The following GALNT11 variants were observed in gnomAD, a reference collection of about 807,000 sequenced individuals.
GALNT11 encodes polypeptide N-acetylgalactosaminyltransferase 11.
Under a neutral mutation model 72.7 loss-of-function variants are expected in GALNT11, and 47 were observed. The observed-to-expected ratio is 0.65, with a 90% confidence interval of 0.51 to 0.82. The LOEUF (loss-of-function observed/expected upper bound fraction) is 0.82. GALNT11 is among the 40% of genes least tolerant of loss of function. GALNT11 has a pLI of 0.00. For synonymous variants in GALNT11, 270 were observed against 286.6 expected (o/e 0.94, Z 0.58); for missense variants, 677 against 778.4 (o/e 0.87, Z 1.55).
chr7:152,113,686 T>C (rs993008571), intron 8 of GALNT11, among the ~76,000 whole-genome samples: 3 of 147,326 alleles, frequency 2.0e-5, no homozygotes, highest in African/African-American at 7.5e-5. Flanking sequence ...GGTCTCTCTA[T>C]TGTGACGCCT....
chr7:152,118,995 GAAAAAAA>G (rs1563085267), intron 10 of GALNT11: 4 of 371,766 alleles, frequency 1.1e-5, no homozygotes, highest in Non-Finnish European at 1.9e-5. Context: ...ATTTTTCACC[GAAAAAAA>G]CTGCAACCTC....
intron 1 of GALNT11, among the ~76,000 whole-genome samples, chr7:152,076,109 C>A (rs188464320): frequency 7.0e-6 from 1 of 142,956 alleles, no homozygotes; most frequent in East Asian, 2.1e-4. Flanking sequence ...GAGAAAAGTT[C>A]ATCGCTTTTT....
intron 1 of GALNT11, among the ~76,000 whole-genome samples, chr7:152,085,990 C>T (rs1439685228): frequency 5.3e-5 from 8 of 151,768 alleles, no homozygotes; most frequent in South Asian, 2.1e-4. Context: ...CTGGTTCAAG[C>T]GATTCTCCTG....
chr7:152,075,400 A>G (rs972371427), intron 1 of GALNT11, among the ~76,000 whole-genome samples: 14 of 152,220 alleles, frequency 9.2e-5, no homozygotes, highest in African/African-American at 3.4e-4. Context: ...GTGCTGCAAT[A>G]TTGTGTCTAG....
At chr7:152,119,680 C>A (rs1173356397) in intron 10 of GALNT11, 2 of 152,202 alleles carry the variant, frequency 1.3e-5, no homozygotes, top group Admixed American at 1.3e-4. Context: ...CAAGACCAGC[C>A]TGACCAACAT....
intron 1 of GALNT11, among the ~76,000 whole-genome samples, chr7:152,055,547 GTGTGTGTGTGTGTGTGTGTGTA>G (rs1264738158): frequency 1.3e-5 from 2 of 149,068 alleles, no homozygotes; most frequent in African/African-American, 5.0e-5. Context: ...GTGTGTGTGT[GTGTGTGTGTGTGTGTGTGTGTA>G]TATATACATA....
chr7:152,098,381 C>G (rs1029193344), intron 2 of GALNT11, among the ~76,000 whole-genome samples: 4 of 151,874 alleles, frequency 2.6e-5, no homozygotes, highest in African/African-American at 4.8e-5. Context: ...GCCGAGATTG[C>G]ACTACTGCAC....
intron 1 of GALNT11, among the ~76,000 whole-genome samples, chr7:152,074,693 A>G (rs2084846832): frequency 6.6e-6 from 1 of 152,094 alleles, no homozygotes; most frequent in African/African-American, 2.4e-5. Context: ...ATCTGGTTAA[A>G]TCTCAGTCTG....
At chr7:152,118,820 A>G in intron 10 of GALNT11, 38 bp downstream of exon 10, 1 of 1,551,604 alleles carries the variant, frequency 6.4e-7, no homozygotes, top group Non-Finnish European at 8.8e-7. Flanking sequence ...AGTGTCCGCA[A>G]GGAGGCTTCC....
At position 152,121,834 on chromosome 7, in the gene GALNT11, G is replaced by A; in HGVS notation, c.*157G>A. On this transcript the variant is annotated 3_prime_UTR_variant, in exon 12 of 12. Coordinates refer to ENST00000430044, the MANE Select transcript of GALNT11 (RefSeq NM_022087.4). ...GATGCCTGGGTGTGTTAGCAGAGGT[G>A]ACACGTGTCTGACAGAGACGGGAGC... is the stretch of plus-strand genomic sequence containing the variant. 1 of 871,448 alleles carries A rather than the reference G, an allele frequency of 1.1e-6. No homozygotes were observed. The highest frequency in any genetic ancestry group is 1.7e-6 in the Non-Finnish European group (1 of 588,698). The allele number at this position is 871,448 out of a possible 1,614,324, so 54.0% of individuals were successfully genotyped here. A position where few individuals can be genotyped will look rare whatever the true frequency, so the allele number is the denominator to read the frequency against.
At chr7:152,121,451 C>T in intron 11 of GALNT11, 95 bp from the exon 12 acceptor site, 2 of 1,456,660 alleles carry the variant, frequency 1.4e-6, no homozygotes, top group East Asian at 2.3e-5. Flanking sequence ...CTATTGTATC[C>T]CTTAATCTGA....
At chr7:152,049,603 A>G (rs77069783) in intron 1 of GALNT11, among the ~76,000 whole-genome samples, 4,454 of 152,118 alleles carry the variant, frequency 0.029, 208 homozygotes, top group African/African-American at 0.1. Flanking sequence ...CCAGGTCTCA[A>G]CCAAGGCCCT....
chr7:152,055,592 C>A (rs1305541754), intron 1 of GALNT11, among the ~76,000 whole-genome samples: 2 of 150,468 alleles, frequency 1.3e-5, no homozygotes, highest in Non-Finnish European at 3.0e-5. Flanking sequence ...TATATATACA[C>A]ACAAAGTACC....
At chr7:152,105,505 G>C in intron 5 of GALNT11, 135 bp downstream of exon 5, 2 of 1,340,802 alleles carry the variant, frequency 1.5e-6, no homozygotes, top group Non-Finnish European at 2.0e-6. Flanking sequence ...GATGAGGCTT[G>C]TTCTGTTTGG....
intron 1 of GALNT11, among the ~76,000 whole-genome samples, chr7:152,039,482 G>A (rs774933606): frequency 7.9e-5 from 12 of 152,120 alleles, no homozygotes; most frequent in Non-Finnish European, 1.3e-4. Flanking sequence ...GAAGGCAGTG[G>A]TGATCACCGC....
Position 152,100,920 on chromosome 7 carries a change from G to C in GALNT11, c.418G>C (p.Ala140Pro), listed in dbSNP as rs1225826894. 1.1e-5 allele frequency: 18 copies of C among 1,613,526 alleles called. No homozygotes were observed. Among genetic ancestry groups the C allele is most frequent in the Non-Finnish European group, 1.4e-5 (17 of 1,179,794 alleles). Residue 140 changes from alanine (A) to proline (P), a missense_variant and splice_region_variant, in exon 3 of 12, where the codon GCA becomes CCA. Ala to Pro is a conservative substitution (Grantham distance 27). Transcript: ENST00000430044. ...HRDVPDTRNA[A>P]CKEKFYPPDL... ...AGATGTGCCAGACACAAGGAATGCAGCGTATGTGCCTTATCGGATTTGCAA... is the reference window on the plus strand; with the variant it reads ...AGATGTGCCAGACACAAGGAATGCACCGTATGTGCCTTATCGGATTTGCAA...
chr7:152,064,662 C>T (rs2084206600), intron 1 of GALNT11, among the ~76,000 whole-genome samples: 1 of 152,184 alleles, frequency 6.6e-6, no homozygotes, highest in Admixed American at 6.5e-5. Context: ...GTGACAAAAT[C>T]TCTCAGCATT....
At chr7:152,087,039 AT>A (rs35652131) in intron 1 of GALNT11, among the ~76,000 whole-genome samples, 7,284 of 152,278 alleles carry the variant, frequency 0.048, 291 homozygotes, top group East Asian at 0.2. Flanking sequence ...TTTTTCATTT[AT>A]TAACAAATAT....
chr7:152,121,197 A>G (rs921365466), intron 11 of GALNT11, among the ~76,000 whole-genome samples: 16 of 152,228 alleles, frequency 1.1e-4, no homozygotes, highest in African/African-American at 2.9e-4. Context: ...GTTCACAACA[A>G]TAACTGAAAT....
Sources: gnomAD v4.1 joint callset for allele counts (sites outside exome capture counted in the v4.1 genomes callset) on GRCh38, gnomAD v4.1.1 for gene constraint, MANE v1.5 for transcripts, NCBI Gene and HGNC (gene_info 2026-07-23, HGNC 2026-07-21) for gene names.